The following INTS8 variants were observed in gnomAD, a reference collection of about 807,000 sequenced individuals.
The protein encoded by INTS8 is integrator complex subunit 8, also known as protein kaonashi-1.
Under a neutral mutation model 138.9 loss-of-function variants are expected in INTS8, and 47 were observed. The ratio of observed to expected loss-of-function variants is 0.34; its 90% CI spans 0.27 to 0.43. The LOEUF (loss-of-function observed/expected upper bound fraction) is 0.43. INTS8 is among the 20% of genes least tolerant of loss of function. The pLI, the probability that INTS8 is intolerant of heterozygous loss-of-function variation, is 1.00. For synonymous variants in INTS8, 392 were observed against 400.9 expected, an observed-to-expected ratio of 0.98 and a Z score of 0.27; for missense variants, 996 against 1,173.0, an observed-to-expected ratio of 0.85 and a Z score of 2.20.
At chr8:94,859,450 G>A in intron 15 of INTS8, 61 bp from the exon 16 acceptor site, 24 of 1,518,520 alleles carry the variant, frequency 1.6e-5, no homozygotes, top group Non-Finnish European at 2.1e-5. Flanking sequence ...GCAAGTATTT[G>A]CTTTGTTCCT....
At chr8:94,826,255 C>G (rs1814496212) in intron 2 of INTS8, among the ~76,000 whole-genome samples, 1 of 152,092 alleles carries the variant, frequency 6.6e-6, no homozygotes, top group African/African-American at 2.4e-5. Context: ...CCACATTCTT[C>G]AGCATTAAAT....
At chr8:94,836,047 T>C (rs1447681137) in intron 6 of INTS8, among the ~76,000 whole-genome samples, 1 of 152,124 alleles carries the variant, frequency 6.6e-6, no homozygotes, top group African/African-American at 2.4e-5. Context: ...AGTCATAGCA[T>C]TGAGAGTGAT....
intron 16 of INTS8, among the ~76,000 whole-genome samples, chr8:94,862,397 A>G (rs967567711): frequency 6.6e-6 from 1 of 152,228 alleles, no homozygotes; most frequent in Non-Finnish European, 1.5e-5. Context: ...TACACTTACA[A>G]TCATAGCTTG....
intron 14 of INTS8, 87 bp from the exon 15 acceptor site, chr8:94,856,686 ATCCT>A: frequency 3.0e-6 from 3 of 1,007,750 alleles, no homozygotes; most frequent in East Asian, 4.8e-5. Context: ...ATTTGAAATA[ATCCT>A]TCTCCTCTTT....
chr8:94,864,735 T>G (rs7004862), intron 16 of INTS8: 70,840 of 152,048 alleles, frequency 0.47, 16,769 homozygotes, highest in East Asian at 0.65. Flanking sequence ...AAAGAAATTC[T>G]GAATTTATTG....
At chr8:94,850,936 T>G (rs943104258) in intron 12 of INTS8, among the ~76,000 whole-genome samples, 1 of 152,214 alleles carries the variant, frequency 6.6e-6, no homozygotes, top group Non-Finnish European at 1.5e-5. Flanking sequence ...GAGAATTCGA[T>G]TGGTTTAACA....
intron 10 of INTS8, among the ~76,000 whole-genome samples, chr8:94,846,873 T>A (rs1306275881): frequency 6.6e-6 from 1 of 152,222 alleles, no homozygotes. Context: ...TCTCCTTACC[T>A]GTTCATGTGA....
intron 7 of INTS8, 22 bp downstream of exon 7, chr8:94,836,653 A>G (rs1814936649): frequency 7.1e-7 from 1 of 1,407,684 alleles, no homozygotes; most frequent in African/African-American, 1.4e-5. Context: ...CATAATAGGA[A>G]CTTAATGTTC....
At chr8:94,844,919 A>AT (rs540697826) in intron 10 of INTS8, among the ~76,000 whole-genome samples, 3 of 151,120 alleles carry the variant, frequency 2.0e-5, no homozygotes, top group South Asian at 4.2e-4. Flanking sequence ...CGCCTGGCTA[A>AT]TTTTTTTTAT....
At chr8:94,858,168 A>G (rs989431354) in intron 15 of INTS8, among the ~76,000 whole-genome samples, 1 of 152,242 alleles carries the variant, frequency 6.6e-6, no homozygotes, top group African/African-American at 2.4e-5. Context: ...AAGTATTTAG[A>G]GCAATTAAAT....
chr8:94,873,839 C>G (rs1816486556), intron 22 of INTS8: 2 of 163,162 alleles, frequency 1.2e-5, no homozygotes, highest in Admixed American at 1.2e-4. Flanking sequence ...CAAGCCCAAA[C>G]CCTGACTATC....
intron 16 of INTS8, 67 bp downstream of exon 16, chr8:94,859,699 C>G: frequency 7.7e-7 from 1 of 1,300,770 alleles, no homozygotes; most frequent in Non-Finnish European, 1.1e-6. Flanking sequence ...TAACTTTATA[C>G]TACTTTGGGA....
Position 94,856,808 on chromosome 8 carries a change from C to T in INTS8, c.1784C>T (p.Ala595Val). 6.2e-7 allele frequency: 1 copy of T among 1,614,100 alleles called. No homozygotes were observed. The highest frequency in any genetic ancestry group is 8.5e-7 in the Non-Finnish European group (1 of 1,180,008). Residue 595 changes from alanine to valine, a missense_variant, in exon 15 of 27, where the codon GCT (alanine) becomes GTT (valine). By Grantham distance (64) the Ala-to-Val change is moderately conservative (BLOSUM62 0). Transcript: ENST00000523731. ...DFSHAKQLFA[A>V]CLELVTEFSP... The stretch of plus-strand genomic sequence containing the variant: ...TCCCATGCTAAACAGCTCTTTGCTG[C>T]TTGTTTGGAGTTGGTAACAGAGTTC...
At chr8:94,853,936 A>C in intron 14 of INTS8, 21 bp downstream of exon 14, 9 of 1,343,282 alleles carry the variant, frequency 6.7e-6, no homozygotes, top group Non-Finnish European at 8.6e-6. Context: ...GTGTGTATCA[A>C]ACACTTGTTA....
At chr8:94,845,193 C>T (rs911455020) in intron 10 of INTS8, among the ~76,000 whole-genome samples, 2 of 152,216 alleles carry the variant, frequency 1.3e-5, no homozygotes, top group East Asian at 3.9e-4. Flanking sequence ...TTATTATCTT[C>T]TAAAAGCTTT....
chr8:94,858,044 T>G (rs982184922), intron 15 of INTS8, among the ~76,000 whole-genome samples: 10 of 152,230 alleles, frequency 6.6e-5, no homozygotes, highest in African/African-American at 2.2e-4. Context: ...AGATCTTGAG[T>G]GTTTAATTCT....
intron 4 of INTS8, among the ~76,000 whole-genome samples, chr8:94,828,717 G>A (rs2130993392): frequency 6.6e-6 from 1 of 152,300 alleles, no homozygotes; most frequent in East Asian, 1.9e-4. Flanking sequence ...CCAGGAGGTT[G>A]AGGCTGCCAC....
intron 3 of INTS8, 101 bp downstream of exon 3, chr8:94,827,504 A>G: frequency 7.2e-7 from 1 of 1,385,284 alleles, no homozygotes; most frequent in Non-Finnish European, 1.0e-6. Flanking sequence ...TGCTGCAGGG[A>G]TTTTTCAAAT....
chr8:94,849,914 A>T lies in INTS8; in HGVS notation c.1332-2A>T, dbSNP rs374541760. The T allele has an allele frequency of 6.2e-7, 1 of 1,603,834 alleles. No individual in the cohort carries two copies. The highest frequency in any genetic ancestry group is 8.5e-7 in the Non-Finnish European group (1 of 1,174,324). On this transcript the variant is annotated splice_acceptor_variant, in intron 11 of 26. Transcript: ENST00000523731. LOFTEE classifies it high-confidence loss of function. The stretch of plus-strand genomic sequence containing the variant: ...GTTTTACAATATTTCTTACTGATCT[A>T]GGAATGTGTGTCTGGGGTTGGAAGA...
Sources: allele counts gnomAD v4.1 joint callset (sites outside exome capture counted in the v4.1 genomes callset), GRCh38; gene constraint gnomAD v4.1.1; transcripts MANE v1.5; gene names NCBI Gene and HGNC (gene_info 2026-07-23, HGNC 2026-07-21).